The following FAM185A variants were observed in gnomAD, a reference collection of about 807,000 sequenced individuals.
The protein encoded by FAM185A is family with sequence similarity 185 member A.
A neutral mutation model predicts 45.7 loss-of-function variants in FAM185A; 21 were observed. That is an observed-to-expected ratio of 0.46 (90% CI 0.33 to 0.66). The LOEUF (loss-of-function observed/expected upper bound fraction) is 0.66. Among genes scored for constraint, FAM185A ranks in the 30% least tolerant of loss-of-function variants. The pLI, the probability that FAM185A is intolerant of heterozygous loss-of-function variation, is 0.03. For synonymous variants in FAM185A, 117 were observed against 194.0 expected (o/e 0.60, Z 3.30); for missense variants, 305 against 485.4 (o/e 0.63, Z 3.49).
chr7:102,805,664 C>T (rs1797069778), intron 7 of FAM185A, among the ~76,000 whole-genome samples: 1 of 151,870 alleles, frequency 6.6e-6, no homozygotes, highest in African/African-American at 2.4e-5. Flanking sequence ...ACCACCTTTA[C>T]CTCCATAAAC....
chr7:102,778,241 G>A (rs951433667), intron 6 of FAM185A, among the ~76,000 whole-genome samples: 1 of 152,144 alleles, frequency 6.6e-6, no homozygotes, highest in Admixed American at 6.5e-5. Flanking sequence ...GCAAAACACA[G>A]AGGTCTGAAA....
intron 2 of FAM185A, among the ~76,000 whole-genome samples, chr7:102,752,579 T>TAA (rs1793435592): frequency 7.2e-6 from 1 of 138,342 alleles, no homozygotes. Flanking sequence ...TGTAATTAAT[T>TAA]TTTTTTTTTT....
At chr7:102,805,114 C>G (rs1251326258) in intron 7 of FAM185A, among the ~76,000 whole-genome samples, 1 of 152,168 alleles carries the variant, frequency 6.6e-6, no homozygotes, top group Non-Finnish European at 1.5e-5. Context: ...CTATGGAAAA[C>G]AGTGTAGAGA....
chr7:102,836,498 A>G, the FAM185A span, among the ~76,000 whole-genome samples: 2 of 152,260 alleles, frequency 1.3e-5, no homozygotes, highest in African/African-American at 2.4e-5. Context: ...TCATACTTCT[A>G]TCGATGCTGC....
chr7:102,759,412 A>C (rs71570365), intron 3 of FAM185A, among the ~76,000 whole-genome samples: 5 of 152,096 alleles, frequency 3.3e-5, no homozygotes, highest in Non-Finnish European at 7.4e-5. Flanking sequence ...GTTATGTACT[A>C]AAGAATCAGT....
At chr7:102,754,546 G>T (rs1269181081) in intron 2 of FAM185A, among the ~76,000 whole-genome samples, 2 of 152,254 alleles carry the variant, frequency 1.3e-5, no homozygotes, top group Non-Finnish European at 2.9e-5. Flanking sequence ...TATGTACCAG[G>T]AATCTTAGCT....
At chr7:102,813,383 CTG>C, downstream of FAM185A, 1 of 1,613,990 alleles carries the variant, frequency 6.2e-7, no homozygotes, top group African/African-American at 1.3e-5. Flanking sequence ...GACTTTTTCA[CTG>C]TTAATTCTAA....
the FAM185A span, among the ~76,000 whole-genome samples, chr7:102,833,744 A>T: frequency 1.3e-5 from 2 of 151,936 alleles, no homozygotes; most frequent in Non-Finnish European, 2.9e-5. Context: ...ACTTAGGGAA[A>T]ATAACATCTA....
At chr7:102,771,491 T>C (rs1794739917) in intron 4 of FAM185A, among the ~76,000 whole-genome samples, 1 of 152,162 alleles carries the variant, frequency 6.6e-6, no homozygotes, top group Admixed American at 6.6e-5. Flanking sequence ...TTTTTGCAAT[T>C]AGGCGCATCT....
chr7:102,784,239 G>A (rs1010073003), intron 6 of FAM185A, among the ~76,000 whole-genome samples: 61 of 151,522 alleles, frequency 4.0e-4, no homozygotes, highest in African/African-American at 1.3e-3. Context: ...ATTCACAGCC[G>A]AATTCTACCA....
the FAM185A span, among the ~76,000 whole-genome samples, chr7:102,831,274 A>C: frequency 6.6e-6 from 1 of 152,106 alleles, no homozygotes; most frequent in Non-Finnish European, 1.5e-5. Flanking sequence ...TTCAAGAACA[A>C]TTTTGGCCCT....
At chr7:102,799,999 C>G (rs1230904288) in intron 7 of FAM185A, among the ~76,000 whole-genome samples, 4 of 152,160 alleles carry the variant, frequency 2.6e-5, no homozygotes, top group Admixed American at 1.3e-4. Flanking sequence ...CAGATTGCTC[C>G]TACAGGACCC....
chr7:102,787,215 T>C (rs1252989654), intron 6 of FAM185A, 120 bp from the exon 7 acceptor site: 7 of 948,978 alleles, frequency 7.4e-6, no homozygotes, highest in Non-Finnish European at 1.0e-5. Context: ...ATAAATACTG[T>C]ATGCTGAGGA....
the FAM185A span, among the ~76,000 whole-genome samples, chr7:102,847,536 C>CT: frequency 2.6e-5 from 4 of 151,340 alleles, no homozygotes; most frequent in African/African-American, 4.9e-5. Flanking sequence ...TCTTTCTTTT[C>CT]TTTTTTTTGA....
the FAM185A span, among the ~76,000 whole-genome samples, chr7:102,827,599 A>C: frequency 3.3e-5 from 5 of 151,818 alleles, no homozygotes; most frequent in African/African-American, 1.2e-4. Flanking sequence ...ATATGTATAC[A>C]TGTGCCATGT....
intron 5 of FAM185A, among the ~76,000 whole-genome samples, chr7:102,777,043 G>T (rs1334863013): frequency 6.6e-6 from 1 of 152,100 alleles, no homozygotes; most frequent in Non-Finnish European, 1.5e-5. Context: ...TATAGATAAA[G>T]ATTTTTAAAT....
the FAM185A span, among the ~76,000 whole-genome samples, chr7:102,850,178 T>C: frequency 6.6e-6 from 1 of 152,168 alleles, no homozygotes; most frequent in Non-Finnish European, 1.5e-5. Context: ...AATGCTTTCA[T>C]CTACAATCTC....
At chr7:102,844,360 C>T in the FAM185A span, among the ~76,000 whole-genome samples, 11 of 152,270 alleles carry the variant, frequency 7.2e-5, no homozygotes, top group East Asian at 1.9e-3. Context: ...GCACAGGACC[C>T]ATACATTCAT....
rs188524979 is a variant in FAM185A at position 102,793,400 on chromosome 7, C to T, written c.1066+5931C>T. 3.8e-3 allele frequency among the ~76,000 whole-genome samples: 574 copies of T among 152,106 alleles called. 5 individuals are homozygous for T. Among genetic ancestry groups the T allele is most frequent in the African/African-American group, 0.014 (565 of 41,504 alleles). ...CTAATTTTTGTATTTTTAGTAGAGA[C>T]AGGGTTTCACCATATTGGCCAGGCT... On this transcript the variant is annotated intron_variant, in intron 7 of 7. Transcript: ENST00000413034.
Sources: gnomAD v4.1 joint callset for allele counts (sites outside exome capture counted in the v4.1 genomes callset) on GRCh38, gnomAD v4.1.1 for gene constraint, MANE v1.5 for transcripts, NCBI Gene and HGNC (gene_info 2026-07-23, HGNC 2026-07-21) for gene names.